The following GALNT10 variants were observed in gnomAD, a reference collection of about 807,000 sequenced individuals.
GALNT10 encodes polypeptide N-acetylgalactosaminyltransferase 10.
Under a neutral mutation model 75.0 loss-of-function variants are expected in GALNT10, and 41 were observed. The ratio of observed to expected loss-of-function variants is 0.55; its 90% CI spans 0.43 to 0.71. GALNT10 has a LOEUF of 0.71. GALNT10 is among the 30% of genes least tolerant of loss of function. The pLI, the probability that GALNT10 is intolerant of heterozygous loss-of-function variation, is 0.00. For missense variants in GALNT10, 727 were observed against 818.5 expected (o/e 0.89, Z 1.36); for synonymous variants, 302 against 313.0 (o/e 0.96, Z 0.37).
In GALNT10 at chr5:154,376,524, C is replaced by A; in HGVS notation, c.754+62C>A. The A allele has an allele frequency of 7.9e-7, 1 of 1,261,494 alleles. No homozygotes were observed. The highest frequency in any genetic ancestry group is 1.1e-6 in the Non-Finnish European group (1 of 909,604). The allele number at this position is 1,261,494 out of a possible 1,614,324, so 78.1% of individuals were successfully genotyped here. ...GCAATGAGCCAGTGCCAGTGGCCCC[C>A]TCCTGCTGCAGGGAGCCATCCATAA... On this transcript the variant is annotated intron_variant, in intron 5 of 11. Coordinates refer to ENST00000297107, the MANE Select transcript of GALNT10 (RefSeq NM_198321.4). The surrounding 1 kb of genome is among the most constrained non-coding windows in gnomAD (Gnocchi z 4.1).
chr5:154,366,058 T>C (rs1755469723), intron 4 of GALNT10, among the ~76,000 whole-genome samples: 1 of 152,252 alleles, frequency 6.6e-6, no homozygotes, highest in Non-Finnish European at 1.5e-5. Context: ...AGCAGTTGTT[T>C]GCTGTTTTAG....
intron 4 of GALNT10, among the ~76,000 whole-genome samples, chr5:154,373,905 C>A (rs1404619375): frequency 6.6e-6 from 1 of 152,132 alleles, no homozygotes; most frequent in Non-Finnish European, 1.5e-5. Context: ...CAAGCAGGGG[C>A]CTCAATGATT....
At chr5:154,318,611 G>T (rs1001442116) in intron 3 of GALNT10, among the ~76,000 whole-genome samples, 10 of 152,232 alleles carry the variant, frequency 6.6e-5, no homozygotes, top group African/African-American at 2.4e-4. Flanking sequence ...ATGACTTAAT[G>T]CATATTAAGT....
intron 1 of GALNT10, among the ~76,000 whole-genome samples, chr5:154,281,821 C>T (rs1754042696): frequency 6.6e-6 from 1 of 152,198 alleles, no homozygotes; most frequent in South Asian, 2.1e-4. Flanking sequence ...AACCTGTACT[C>T]CCTTCTGATG....
intron 1 of GALNT10, among the ~76,000 whole-genome samples, chr5:154,260,436 G>A (rs1301152196): frequency 6.6e-6 from 1 of 152,192 alleles, no homozygotes; most frequent in Non-Finnish European, 1.5e-5. Context: ...CCCGTGCCTG[G>A]CAAAGGAGAT....
intron 7 of GALNT10, among the ~76,000 whole-genome samples, chr5:154,390,635 A>G (rs1176474258): frequency 1.3e-5 from 2 of 152,206 alleles, no homozygotes; most frequent in Non-Finnish European, 2.9e-5. Context: ...GAATACTCCA[A>G]GTAAGTGTGT....
At position 154,190,758 on chromosome 5, in the gene GALNT10, G is replaced by A. The variant is rs1774842447; in HGVS notation, c.-109G>A. ...GAGTTGGAGCGGGGCCGGCGCCGCAGCCGCTTCTGCTGGCTGAGCTGCTGC... is the reference window on the plus strand; with the variant it reads ...GAGTTGGAGCGGGGCCGGCGCCGCAACCGCTTCTGCTGGCTGAGCTGCTGC... On this transcript the variant is annotated 5_prime_UTR_variant, in exon 1 of 12. Coordinates refer to ENST00000297107, the MANE Select transcript of GALNT10 (RefSeq NM_198321.4). 2.6e-5 allele frequency: 10 copies of A among 383,564 alleles called. No homozygotes were observed. The highest frequency in any genetic ancestry group is 3.2e-5 in the Non-Finnish European group (9 of 281,648). The allele number at this position is 383,564 out of a possible 1,614,324, so 23.8% of individuals were successfully genotyped here.
intron 4 of GALNT10, among the ~76,000 whole-genome samples, chr5:154,341,233 G>A (rs1282137893): frequency 3.9e-5 from 6 of 152,158 alleles, no homozygotes; most frequent in Middle Eastern, 6.8e-3. Context: ...CAGTTCCTTC[G>A]CCTAAAAGAC....
In GALNT10 at chr5:154,329,718, T is replaced by A; in HGVS notation, c.548T>A (p.Val183Asp). The A allele has an allele frequency of 6.2e-7, 1 of 1,613,538 alleles. No homozygotes were observed. The highest frequency in any genetic ancestry group is 8.5e-7 in the Non-Finnish European group (1 of 1,179,562). Residue 183 changes from valine to aspartate, a missense_variant, in exon 4 of 12, where the codon GTC becomes GAC. Coordinates refer to ENST00000297107, the MANE Select transcript of GALNT10 (RefSeq NM_198321.4). Reference sequence around the variant, plus strand: ...GAGCTGGTCGCCGAGATTGTACTGGTCGACGACTTCAGTGATCGAGGTAGG... The same window carrying A: ...GAGCTGGTCGCCGAGATTGTACTGGACGACGACTTCAGTGATCGAGGTAGG... ...PPELVAEIVL[V>D]DDFSDREHLK...
At chr5:154,269,249 G>T (rs546650052) in intron 1 of GALNT10, among the ~76,000 whole-genome samples, 71 of 152,176 alleles carry the variant, frequency 4.7e-4, no homozygotes, top group African/African-American at 1.5e-3. Flanking sequence ...CTCCCAAAGT[G>T]CACAGGTGCT....
intron 1 of GALNT10, among the ~76,000 whole-genome samples, chr5:154,226,910 A>G (rs1274843014): frequency 2.0e-5 from 3 of 152,036 alleles, no homozygotes; most frequent in Non-Finnish European, 4.4e-5. Flanking sequence ...TGTATTTTCT[A>G]GAGTTTTATA....
chr5:154,394,762 T>A (rs1447396634), intron 7 of GALNT10, among the ~76,000 whole-genome samples: 2 of 152,232 alleles, frequency 1.3e-5, no homozygotes, highest in African/African-American at 4.8e-5. Flanking sequence ...CATTTCCCCA[T>A]CCTTTTCCCT....
chr5:154,294,205 C>T (rs541634931), intron 1 of GALNT10, among the ~76,000 whole-genome samples: 61 of 152,160 alleles, frequency 4.0e-4, no homozygotes, highest in African/African-American at 1.4e-3. Context: ...TATGGTAGCA[C>T]GTACCTGTAG....
At chr5:154,230,530 G>A (rs1292410691) in intron 1 of GALNT10, among the ~76,000 whole-genome samples, 2 of 152,186 alleles carry the variant, frequency 1.3e-5, no homozygotes, top group Non-Finnish European at 2.9e-5. Flanking sequence ...CTGCACCATA[G>A]GCTTCTGTGT....
At chr5:154,229,011 T>C (rs1384720468) in intron 1 of GALNT10, among the ~76,000 whole-genome samples, 6 of 152,236 alleles carry the variant, frequency 3.9e-5, no homozygotes, top group Non-Finnish European at 8.8e-5. Flanking sequence ...GGCCAGGGTA[T>C]TCTACCATAC....
intron 4 of GALNT10, among the ~76,000 whole-genome samples, chr5:154,359,551 A>AAAAG (rs1554100221): frequency 6.7e-6 from 1 of 150,250 alleles, no homozygotes; most frequent in African/African-American, 2.4e-5. Flanking sequence ...AAAAAAAAAA[A>AAAAG]AGAGAGAGAG....
intron 1 of GALNT10, among the ~76,000 whole-genome samples, chr5:154,240,888 C>T (rs1753325518): frequency 6.6e-6 from 1 of 152,150 alleles, no homozygotes; most frequent in Admixed American, 6.5e-5. Context: ...ATAGCAGAGC[C>T]TCAAGTGTCC....
At chr5:154,363,575 C>A (rs1267224763) in intron 4 of GALNT10, among the ~76,000 whole-genome samples, 1 of 151,422 alleles carries the variant, frequency 6.6e-6, no homozygotes, top group African/African-American at 2.4e-5. Context: ...TAGGTCCTGC[C>A]CAGTCTGCCT....
At chr5:154,272,943 C>T (rs887023710) in intron 1 of GALNT10, among the ~76,000 whole-genome samples, 1 of 151,240 alleles carries the variant, frequency 6.6e-6, no homozygotes, top group African/African-American at 2.4e-5. Flanking sequence ...GTACTCTAGA[C>T]GGTAGGAAAT....
Sources: allele counts gnomAD v4.1 joint callset (sites outside exome capture counted in the v4.1 genomes callset), GRCh38; gene constraint gnomAD v4.1.1; non-coding constraint Gnocchi (gnomAD v3.1); transcripts MANE v1.5; gene names NCBI Gene and HGNC (gene_info 2026-07-23, HGNC 2026-07-21).